Variants in CCDC146 observed in about 807,000 individuals in gnomAD.
CCDC146 encodes coiled-coil domain-containing protein 146.
Under a neutral mutation model 119.3 loss-of-function variants are expected in CCDC146, and 92 were observed. The observed-to-expected ratio is 0.77, with a 90% CI of 0.65 to 0.92. The LOEUF is 0.92. CCDC146 is among the 40% of genes least tolerant of loss of function. The pLI is 0.00. For missense variants in CCDC146, 1,000 were observed against 1,103.0 expected, an observed-to-expected ratio of 0.91 and a Z score of 1.32; for synonymous variants, 372 against 371.8, an observed-to-expected ratio of 1.00 and a Z score of -0.01.
At chr7:77,219,636 A>C (rs1313319338) in intron 2 of CCDC146, among the ~76,000 whole-genome samples, 1 of 152,244 alleles carries the variant, frequency 6.6e-6, no homozygotes, top group Non-Finnish European at 1.5e-5. Context: ...ACACTTTATT[A>C]TCGGGGGAAC....
At chr7:77,178,749 A>G (rs1274128219) in intron 2 of CCDC146, among the ~76,000 whole-genome samples, 1 of 152,192 alleles carries the variant, frequency 6.6e-6, no homozygotes, top group Non-Finnish European at 1.5e-5. Context: ...TTGCTCTTCA[A>G]AATAAGTACT....
chr7:77,260,336 T>G (rs1321750009), intron 8 of CCDC146, 100 bp downstream of exon 8: 1 of 793,792 alleles, frequency 1.3e-6, no homozygotes, highest in Non-Finnish European at 1.9e-6. Flanking sequence ...TTAATAAATA[T>G]TTAAAAATAA....
intron 4 of CCDC146, among the ~76,000 whole-genome samples, chr7:77,252,686 C>T (rs894883918): frequency 8.5e-5 from 13 of 152,090 alleles, no homozygotes; most frequent in Admixed American, 3.9e-4. Context: ...ACTGTGGAAA[C>T]GGTATACAGA....
intron 1 of CCDC146, among the ~76,000 whole-genome samples, chr7:77,129,068 CTTT>C (rs1672221959): frequency 6.6e-6 from 1 of 152,084 alleles, no homozygotes; most frequent in Admixed American, 6.5e-5. Context: ...TTATCTTTGG[CTTT>C]GCTTTCTGAG....
chr7:77,203,109 C>A (rs1418975081), intron 2 of CCDC146, among the ~76,000 whole-genome samples: 3 of 139,982 alleles, frequency 2.1e-5, no homozygotes, highest in African/African-American at 5.2e-5. Flanking sequence ...TAGGTGAGAG[C>A]TAGTAGTGTG....
At chr7:77,186,167 G>T (rs1048192415) in intron 2 of CCDC146, among the ~76,000 whole-genome samples, 2 of 152,146 alleles carry the variant, frequency 1.3e-5, no homozygotes, top group African/African-American at 4.8e-5. Context: ...AAGGAAATCA[G>T]TGTATCAAAG....
intron 2 of CCDC146, among the ~76,000 whole-genome samples, chr7:77,211,657 C>A (rs575655258): frequency 6.6e-6 from 1 of 151,696 alleles, no homozygotes; most frequent in South Asian, 2.1e-4. Context: ...ACTCTGTCAC[C>A]CAGGCTGGAG....
intron 2 of CCDC146, among the ~76,000 whole-genome samples, chr7:77,184,000 A>G (rs1432956839): frequency 6.6e-6 from 1 of 152,216 alleles, no homozygotes; most frequent in Non-Finnish European, 1.5e-5. Context: ...TATTTCCTAT[A>G]TCAAGCCAAC....
At chr7:77,208,104 C>T (rs1240410439) in intron 2 of CCDC146, among the ~76,000 whole-genome samples, 2 of 152,172 alleles carry the variant, frequency 1.3e-5, no homozygotes, top group African/African-American at 4.8e-5. Context: ...TGGCCTTATG[C>T]AGGGTTCAGT....
At chr7:77,211,045 T>A (rs905523500) in intron 2 of CCDC146, among the ~76,000 whole-genome samples, 1 of 152,190 alleles carries the variant, frequency 6.6e-6, no homozygotes, top group Non-Finnish European at 1.5e-5. Context: ...GTTTTTAATC[T>A]TTTAAAATTG....
chr7:77,277,489 T>C (rs926755523), intron 11 of CCDC146, among the ~76,000 whole-genome samples: 6 of 152,176 alleles, frequency 3.9e-5, no homozygotes, highest in African/African-American at 1.4e-4. Context: ...TTTTTAGCAT[T>C]AGGAATTAGT....
intron 1 of CCDC146, among the ~76,000 whole-genome samples, chr7:77,138,762 C>T (rs1790894454): frequency 6.6e-6 from 1 of 152,202 alleles, no homozygotes; most frequent in Non-Finnish European, 1.5e-5. Context: ...CAAATAAGCA[C>T]ATGAATACAT....
intron 9 of CCDC146, among the ~76,000 whole-genome samples, chr7:77,271,993 G>A (rs1452285831): frequency 1.3e-5 from 2 of 152,080 alleles, no homozygotes; most frequent in Admixed American, 6.6e-5. Context: ...CTGAGCATGA[G>A]GACAGCCCAC....
intron 2 of CCDC146, among the ~76,000 whole-genome samples, chr7:77,227,168 A>C (rs1254775501): frequency 1.3e-5 from 2 of 152,218 alleles, no homozygotes; most frequent in Non-Finnish European, 2.9e-5. Context: ...CAGGTTTGTA[A>C]GGCACCAAAG....
At chr7:77,294,520 C>T in intron 18 of CCDC146, 143 bp from the exon 19 acceptor site, 1 of 629,404 alleles carries the variant, frequency 1.6e-6, no homozygotes, top group South Asian at 1.9e-5. Context: ...TGATTCTACC[C>T]TCCTACCCCT....
chr7:77,286,843 G>C lies in CCDC146; in HGVS notation c.2194G>C (p.Val732Leu). 1 of 1,613,796 alleles carries C rather than the reference G, an allele frequency of 6.2e-7. No homozygotes were observed. The highest frequency in any genetic ancestry group is 8.5e-7 in the Non-Finnish European group (1 of 1,179,676). Residue 732 changes from valine to leucine, a missense_variant, in exon 16 of 19, where the codon GTA (valine) becomes CTA (leucine). By Grantham distance (32) the Val-to-Leu change is conservative. Coordinates refer to ENST00000285871, the MANE Select transcript of CCDC146 (RefSeq NM_020879.3). ...DRIKDLEKQF[V>L]KPDGENRARF... Reference sequence around the variant, plus strand: ...AATTAAAGACCTGGAGAAACAGTTCGTAAAGCCTGATGGTGAGAATAGAGC... The same window carrying C: ...AATTAAAGACCTGGAGAAACAGTTCCTAAAGCCTGATGGTGAGAATAGAGC...
chr7:77,199,839 C>T (rs1164893059), intron 2 of CCDC146: 2 of 1,572,736 alleles, frequency 1.3e-6, no homozygotes, highest in Non-Finnish European at 1.7e-6. Flanking sequence ...AGGGCTGGAG[C>T]TGCTTTAATA....
intron 2 of CCDC146, among the ~76,000 whole-genome samples, chr7:77,171,702 T>C (rs774808892): frequency 7.2e-5 from 11 of 152,234 alleles, no homozygotes; most frequent in Admixed American, 2.6e-4. Flanking sequence ...AAAGCAGCCA[T>C]CTTGGCTTGT....
At chr7:77,167,625 T>G in intron 1 of CCDC146, 33 bp from the exon 2 acceptor site, 1 of 1,466,430 alleles carries the variant, frequency 6.8e-7, no homozygotes. Flanking sequence ...AAGACACTCC[T>G]AAATAGCCAC....
Sources: allele counts gnomAD v4.1 joint callset (sites outside exome capture counted in the v4.1 genomes callset), GRCh38; gene constraint gnomAD v4.1.1; transcripts MANE v1.5; gene names NCBI Gene and HGNC (gene_info 2026-07-23, HGNC 2026-07-21).